The following DST variants were observed in gnomAD, a reference collection of about 807,000 sequenced individuals.
The protein encoded by DST is bullous pemphigoid antigen.
DST carries 253 observed loss-of-function variants against 875.2 expected under a neutral mutation model. The observed-to-expected ratio is 0.29, with a 90% CI of 0.26 to 0.32. The LOEUF (loss-of-function observed/expected upper bound fraction) is 0.32. Ranked by LOEUF, DST falls within the 10% of genes least tolerant of loss-of-function variation. The pLI, the probability that DST is intolerant of heterozygous loss-of-function variation, is 1.00. For missense variants in DST, 8,287 were observed against 9,111.6 expected, an observed-to-expected ratio of 0.91 and a Z score of 3.68; for synonymous variants, 3,124 against 3,197.1, an observed-to-expected ratio of 0.98 and a Z score of 0.77.
In DST at chr6:56,634,963, A is replaced by G; in HGVS notation, c.3187-10T>C. 6.2e-7 allele frequency: 1 copy of G among 1,604,782 alleles called. No individual in the cohort carries two copies. ...GTTCTTCTTTCTCTTCCTAAGTAAT[A>G]AATACAGTGAATTTTAAGAAGTAAA... On this transcript the variant is annotated splice_polypyrimidine_tract_variant and intron_variant, in intron 24 of 103. Coordinates refer to ENST00000680361, the MANE Select transcript of DST (RefSeq NM_001374736.1).
chr6:56,643,063 G>A, intron 15 of DST: 1 of 549,098 alleles, frequency 1.8e-6, no homozygotes, highest in South Asian at 2.3e-5. Context: ...AACAAAGCAG[G>A]CAGATTGGGC....
intron 4 of DST, chr6:56,842,938 C>G: frequency 1.0e-6 from 1 of 996,752 alleles, no homozygotes; most frequent in Non-Finnish European, 1.3e-6. Flanking sequence ...ATTCCCAAGA[C>G]TGGTCCAGAC....
intron 61 of DST, among the ~76,000 whole-genome samples, chr6:56,551,117 C>T (rs1170776022): frequency 6.6e-6 from 1 of 151,962 alleles, no homozygotes; most frequent in Non-Finnish European, 1.5e-5. Flanking sequence ...TAACTAATAA[C>T]AATACAAAGA....
chr6:56,711,765 A>T (rs1160385482), intron 5 of DST, among the ~76,000 whole-genome samples: 1 of 152,136 alleles, frequency 6.6e-6, no homozygotes, highest in Admixed American at 6.5e-5. Flanking sequence ...AGAGAAGAAC[A>T]GCTAATAAAT....
At chr6:56,936,024 T>C (rs1812845508) in intron 2 of DST, among the ~76,000 whole-genome samples, 2 of 152,196 alleles carry the variant, frequency 1.3e-5, no homozygotes, top group Admixed American at 1.3e-4. Flanking sequence ...GTTTGATTCC[T>C]AAAAAATTTG....
chr6:56,509,193 T>C (rs2096411178), intron 74 of DST, among the ~76,000 whole-genome samples: 1 of 152,204 alleles, frequency 6.6e-6, no homozygotes, highest in South Asian at 2.1e-4. Context: ...GAATTTCCAC[T>C]ACGCACATGC....
intron 90 of DST, among the ~76,000 whole-genome samples, chr6:56,479,305 C>A (rs13204556): frequency 0.22 from 34,058 of 151,954 alleles, 4,467 homozygotes; most frequent in Middle Eastern, 0.41. Context: ...GAGAAAAGGG[C>A]GTGCTTATAC....
chr6:56,729,343 C>G (rs2099486746), intron 5 of DST, among the ~76,000 whole-genome samples: 1 of 152,192 alleles, frequency 6.6e-6, no homozygotes. Flanking sequence ...GTAATCCCAG[C>G]AGTTTGGGAG....
intron 4 of DST, among the ~76,000 whole-genome samples, chr6:56,735,727 T>C (rs1307885821): frequency 1.3e-5 from 2 of 152,218 alleles, no homozygotes; most frequent in Non-Finnish European, 2.9e-5. Context: ...AAAAGACTTG[T>C]TCATGATTAC....
chr6:56,492,439 C>T lies in DST; in HGVS notation c.20551-6G>A. 6.2e-7 allele frequency: 1 copy of T among 1,602,630 alleles called. No individual in the cohort carries two copies. Among genetic ancestry groups the T allele is most frequent in the Admixed American group, 1.8e-5 (1 of 56,834 alleles). On this transcript the variant is annotated splice_region_variant and splice_polypyrimidine_tract_variant and intron_variant, in intron 84 of 103. Coordinates refer to ENST00000680361, the MANE Select transcript of DST (RefSeq NM_001374736.1). ...TTTACTTCATTGGCAAAAACCTTTC[C>T]CAGAAAAAAAGGAAATAAGTAGAAA...
At chr6:56,595,779 A>ACCCCCCCCC (rs559086079) in intron 47 of DST, among the ~76,000 whole-genome samples, 3 of 144,518 alleles carry the variant, frequency 2.1e-5, no homozygotes, top group Admixed American at 6.7e-5. Context: ...TTCATATGCT[A>ACCCCCCCCC]CCCCCACCCC....
intron 41 of DST, 21 bp downstream of exon 41, chr6:56,603,543 G>A: frequency 6.3e-7 from 1 of 1,598,318 alleles, no homozygotes; most frequent in Middle Eastern, 1.7e-4. Context: ...CATCCATAAA[G>A]AGGCAGTAGA....
intron 2 of DST, among the ~76,000 whole-genome samples, chr6:56,914,476 T>C (rs1046625650): frequency 6.6e-6 from 1 of 152,164 alleles, no homozygotes; most frequent in Non-Finnish European, 1.5e-5. Flanking sequence ...GGGCTAGTGA[T>C]TGCTTCAACT....
At chr6:56,534,970 A>C (rs2096967681) in intron 63 of DST, among the ~76,000 whole-genome samples, 152 bp downstream of exon 63, 1 of 152,234 alleles carries the variant, frequency 6.6e-6, no homozygotes. Flanking sequence ...ATGTTCAATA[A>C]ATATTTGTCG....
intron 3 of DST, 107 bp from the exon 4 acceptor site, chr6:56,851,711 T>C: frequency 6.4e-7 from 1 of 1,552,336 alleles, no homozygotes; most frequent in Non-Finnish European, 8.7e-7. Flanking sequence ...GCCCCCAAAC[T>C]GGGTCTGGCA....
At position 56,811,011 on chromosome 6, in the gene DST, C is replaced by T. The variant is rs180851288; in HGVS notation, c.625+40386G>A. Among the ~76,000 whole-genome samples, 753 of 151,540 alleles carry T rather than the reference C, an allele frequency of 5.0e-3. 4 individuals carry two copies. The highest frequency in any genetic ancestry group is 0.017 in the African/African-American group (712 of 41,288). On this transcript the variant is annotated intron_variant, in intron 4 of 103. Coordinates refer to ENST00000680361, the MANE Select transcript of DST (RefSeq NM_001374736.1). ...AGCCTGGGCAACATAGTGAGACCCC[C>T]CATCTCTACAAAAACTACAAAATTT...
chr6:56,884,921 G>A (rs139777402), intron 3 of DST, among the ~76,000 whole-genome samples: 1,546 of 152,090 alleles, frequency 0.01, 26 homozygotes, highest in African/African-American at 0.036. Context: ...TAGTAGAGAC[G>A]GGGTTTCACC....
intron 15 of DST, among the ~76,000 whole-genome samples, chr6:56,643,591 A>G (rs1313074670): frequency 2.0e-5 from 3 of 152,252 alleles, no homozygotes; most frequent in African/African-American, 7.2e-5. Context: ...TCCATGCCAC[A>G]TAGCTATTAC....
intron 4 of DST, among the ~76,000 whole-genome samples, chr6:56,758,425 C>T (rs1465949987): frequency 1.4e-5 from 2 of 142,468 alleles, no homozygotes; most frequent in Non-Finnish European, 3.0e-5. Context: ...CAAAAGGAAC[C>T]TGGGTCCCTG....
Sources: allele counts gnomAD v4.1 joint callset (sites outside exome capture counted in the v4.1 genomes callset), GRCh38; gene constraint gnomAD v4.1.1; transcripts MANE v1.5; gene names NCBI Gene and HGNC (gene_info 2026-07-23, HGNC 2026-07-21).